SPRY3: variants seen among roughly 807,000 people sequenced by gnomAD.
The protein encoded by SPRY3 is sprouty RTK signaling antagonist 3.
In SPRY3, 15 loss-of-function variants were observed where a neutral mutation model predicts 20.2. That is an observed-to-expected ratio of 0.74 (90% CI 0.50 to 1.14). The LOEUF (loss-of-function observed/expected upper bound fraction) is 1.14. Among genes scored for constraint, SPRY3 ranks in the 50% most tolerant of loss-of-function variants. SPRY3 has a pLI of 0.00. For synonymous variants in SPRY3, 143 were observed against 136.5 expected, an observed-to-expected ratio of 1.05 and a Z score of -0.33; for missense variants, 364 against 363.9, an observed-to-expected ratio of 1.00 and a Z score of 0.00.
chrX:155,626,591 A>G (rs782481035), intron 1 of SPRY3, among the ~76,000 whole-genome samples: 5 of 111,344 alleles, frequency 4.5e-5, no homozygotes, highest in Non-Finnish European at 9.4e-5. Flanking sequence ...TGTTGCTTGT[A>G]CTTTTGGTGT....
chrX:155,763,972 G>A (rs944632128), intron 2 of SPRY3, among the ~76,000 whole-genome samples: 6 of 152,128 alleles, frequency 3.9e-5, no homozygotes, highest in African/African-American at 1.4e-4. Flanking sequence ...TAACTCAGAG[G>A]TTTCTAAAAC....
intron 2 of SPRY3, among the ~76,000 whole-genome samples, chrX:155,674,856 A>T (rs2068054642): frequency 8.9e-6 from 1 of 111,753 alleles, no homozygotes; most frequent in Admixed American, 9.5e-5. Context: ...CAACAAAAAT[A>T]TTGAACAAGG....
intron 1 of SPRY3, among the ~76,000 whole-genome samples, chrX:155,628,572 A>G (rs2067895593): frequency 8.9e-6 from 1 of 112,638 alleles, no homozygotes; most frequent in African/African-American, 3.2e-5. Flanking sequence ...TATGAAAAAA[A>G]TCTCAACATC....
At chrX:155,707,602 T>C (rs890745366) in intron 2 of SPRY3, among the ~76,000 whole-genome samples, 3 of 151,252 alleles carry the variant, frequency 2.0e-5, no homozygotes, top group African/African-American at 7.3e-5. Context: ...TTTTGCTTTA[T>C]GTGTATTAGG....
chrX:155,774,651 C>G, exon 4 of SPRY3: 1 of 1,613,996 alleles, frequency 6.2e-7, no homozygotes, highest in East Asian at 2.2e-5. Context: ...GACCAGGCTG[C>G]CGCTGCAAGA....
At chrX:155,733,615 C>G (rs2091149275) in intron 2 of SPRY3, among the ~76,000 whole-genome samples, 1 of 151,944 alleles carries the variant, frequency 6.6e-6, no homozygotes, top group Admixed American at 6.6e-5. Context: ...CTTAATATCA[C>G]CAGCTGCATT....
exon 2 of SPRY3, chrX:155,781,886 G>A (rs1352808338): frequency 2.4e-5 from 4 of 166,550 alleles, no homozygotes; most frequent in Admixed American, 1.3e-4. Flanking sequence ...TTTAATCTGA[G>A]GTTGGCCTCA....
Position 155,773,148 on chromosome X carries a change from A to G in SPRY3, c.-106-618A>G, listed in dbSNP as rs769806762. Among the ~76,000 whole-genome samples, 6 of 151,248 alleles carry G rather than the reference A, an allele frequency of 4.0e-5. No individual in the cohort carries two copies. The East Asian group carries it at 1.2e-3, about 29-fold the overall frequency. On this transcript the variant is annotated intron_variant, in intron 3 of 3. Coordinates refer to ENST00000675360, the Ensembl canonical transcript of SPRY3. ...GGGAAGCCTTTTTTTTTCCTACTACACTGCAGACAGCTTAATTCCTACCTT... is the reference window on the plus strand; with the variant it reads ...GGGAAGCCTTTTTTTTTCCTACTACGCTGCAGACAGCTTAATTCCTACCTT...
intron 1 of SPRY3, among the ~76,000 whole-genome samples, chrX:155,619,361 G>GT (rs201823045): frequency 8.3e-5 from 9 of 108,658 alleles, no homozygotes; most frequent in Non-Finnish European, 1.3e-4. Flanking sequence ...GTCTGTTTCT[G>GT]TTTTTTTGTA....
intron 1 of SPRY3, among the ~76,000 whole-genome samples, chrX:155,655,472 A>AT (rs1328673261): frequency 9.0e-6 from 1 of 110,951 alleles, no homozygotes; most frequent in Non-Finnish European, 1.9e-5. Context: ...TTCTTCTAGG[A>AT]TTTTTTATAG....
At chrX:155,705,443 T>C (rs2090943695) in intron 2 of SPRY3, among the ~76,000 whole-genome samples, 1 of 151,346 alleles carries the variant, frequency 6.6e-6, no homozygotes, top group African/African-American at 2.4e-5. Context: ...AAAGGAAGAA[T>C]AATGAAACAC....
intron 2 of SPRY3, among the ~76,000 whole-genome samples, chrX:155,708,362 TG>T (rs2090964799): frequency 6.6e-6 from 1 of 151,420 alleles, no homozygotes; most frequent in Non-Finnish European, 1.5e-5. Flanking sequence ...TGGCCTCCAT[TG>T]ATTCTGATGA....
intron 2 of SPRY3, among the ~76,000 whole-genome samples, chrX:155,670,402 G>A (rs373921806): frequency 8.9e-6 from 1 of 111,738 alleles, no homozygotes; most frequent in African/African-American, 3.2e-5. Flanking sequence ...GCAGTGTCTT[G>A]CAGCGACAAG....
chrX:155,715,527 C>T (rs1401942252), intron 2 of SPRY3, among the ~76,000 whole-genome samples: 1 of 151,836 alleles, frequency 6.6e-6, no homozygotes, highest in South Asian at 2.1e-4. Context: ...TTGTGAGCTG[C>T]ACTGCCTGTG....
intron 2 of SPRY3, among the ~76,000 whole-genome samples, chrX:155,718,984 G>T (rs1035334993): frequency 4.6e-5 from 7 of 152,054 alleles, no homozygotes; most frequent in Non-Finnish European, 7.4e-5. Context: ...CACAGAAAAA[G>T]CACCTTCATA....
rs201175919 is a variant in SPRY3 at position 155,668,374 on chromosome X, GA to G, written c.-282+11354del. Among the ~76,000 whole-genome samples, 278 of 110,717 alleles carry G rather than the reference GA, an allele frequency of 2.5e-3. 5 individuals are homozygous for G. Among genetic ancestry groups the G allele is most frequent in the Admixed American group, 0.021 (215 of 10,421 alleles). On this transcript the variant is annotated intron_variant, in intron 2 of 3. Coordinates refer to ENST00000675360, the Ensembl canonical transcript of SPRY3. ...AAAAGGCAAATCTAATCTATGATAA[GA>G]AAAAGTCTGAATAGGGGTTACCTCT...
chrX:155,779,323 T>C (rs2091449557), downstream of SPRY3: 1 of 167,012 alleles, frequency 6.0e-6, no homozygotes, highest in Admixed American at 6.5e-5. Flanking sequence ...AGGGTGGTGC[T>C]TTTACCTTAT....
Position 155,663,937 on chromosome X carries a change from T to C in SPRY3, c.-282+6912T>C, listed in dbSNP as rs185106924. On this transcript the variant is annotated intron_variant, in intron 2 of 3. Transcript: ENST00000675360. ...ACAATATGCAAGAATGGACACCCCC[T>C]GCTCCCATAGCTACTATTTTTTTAA... is the stretch of plus-strand genomic sequence containing the variant. Among the ~76,000 whole-genome samples the C allele has an allele frequency of 5.4e-5, 6 of 111,383 alleles. No individual in the cohort carries two copies. In the East Asian group the frequency reaches 1.7e-3, roughly 31 times the overall value.
chrX:155,773,986 C>T, exon 4 of SPRY3: 5 of 1,613,968 alleles, frequency 3.1e-6, no homozygotes, highest in Non-Finnish European at 4.2e-6. Flanking sequence ...TAAACAGGCC[C>T]TCTCCAGCCC....
Sources: allele counts gnomAD v4.1 joint callset (sites outside exome capture counted in the v4.1 genomes callset), GRCh38; gene constraint gnomAD v4.1.1; transcripts MANE v1.5; gene names NCBI Gene and HGNC (gene_info 2026-07-23, HGNC 2026-07-21).